Variants in PTPRD observed in about 807,000 individuals in gnomAD.
PTPRD encodes protein tyrosine phosphatase receptor type D.
PTPRD carries 34 observed loss-of-function variants against 214.5 expected under a neutral mutation model. That is an observed-to-expected ratio of 0.16 (90% CI 0.12 to 0.21). The LOEUF (loss-of-function observed/expected upper bound fraction) is 0.21. Among genes scored for constraint, PTPRD ranks in the 10% least tolerant of loss-of-function variants. PTPRD has a pLI of 1.00. For missense variants in PTPRD, 2,545 were observed against 2,398.7 expected (o/e 1.06, Z -1.27); for synonymous variants, 1,128 against 845.7 (o/e 1.33, Z -5.79).
At chr9:9,388,151 C>T (rs936882329) in intron 9 of PTPRD, among the ~76,000 whole-genome samples, 7 of 152,136 alleles carry the variant, frequency 4.6e-5, no homozygotes, top group South Asian at 2.1e-4. Flanking sequence ...CATGACCAGC[C>T]GCTTGTGTCT....
chr9:10,412,658 ACACACACC>A (rs1056783845), intron 2 of PTPRD, among the ~76,000 whole-genome samples: 16 of 148,964 alleles, frequency 1.1e-4, no homozygotes, highest in African/African-American at 4.0e-4. Flanking sequence ...ACACACACAC[ACACACACC>A]CCTTGAAGCC....
chr9:10,166,346 C>T (rs2099159097), intron 3 of PTPRD, among the ~76,000 whole-genome samples: 1 of 150,554 alleles, frequency 6.6e-6, no homozygotes, highest in South Asian at 2.1e-4. Flanking sequence ...CTGAACAAAG[C>T]ACTTGCTTTT....
intron 5 of PTPRD, among the ~76,000 whole-genome samples, chr9:9,844,229 G>A (rs2058969865): frequency 6.6e-6 from 1 of 151,764 alleles, no homozygotes; most frequent in African/African-American, 2.4e-5. Context: ...CAAGTTTAAT[G>A]TGATTTTTAT....
chr9:8,784,742 G>A (rs1368801077), intron 11 of PTPRD, among the ~76,000 whole-genome samples: 1 of 152,078 alleles, frequency 6.6e-6, no homozygotes, highest in Admixed American at 6.5e-5. Flanking sequence ...ATCCACATTA[G>A]TTAACATCCC....
intron 2 of PTPRD, among the ~76,000 whole-genome samples, chr9:10,601,517 C>T (rs751422248): frequency 1.1e-4 from 16 of 151,668 alleles, no homozygotes; most frequent in Non-Finnish European, 2.2e-4. Context: ...TCCAATATAT[C>T]TTGTACTATA....
At chr9:8,871,701 C>T (rs1028267624) in intron 11 of PTPRD, among the ~76,000 whole-genome samples, 3 of 152,100 alleles carry the variant, frequency 2.0e-5, no homozygotes, top group African/African-American at 7.2e-5. Flanking sequence ...AGAGTGAAAA[C>T]TTTACCAATG....
chr9:8,934,816 T>C (rs113234080), intron 11 of PTPRD, among the ~76,000 whole-genome samples: 53 of 151,884 alleles, frequency 3.5e-4, no homozygotes, highest in African/African-American at 1.2e-3. Flanking sequence ...TCTCTGCATC[T>C]GTATGTTCAG....
chr9:9,543,710 A>AAAAAC (rs1475039368), intron 8 of PTPRD, among the ~76,000 whole-genome samples: 2 of 151,646 alleles, frequency 1.3e-5, no homozygotes, highest in Non-Finnish European at 3.0e-5. Flanking sequence ...CAACAAAAAC[A>AAAAAC]AAAACAAATC....
chr9:9,357,116 G>C (rs1045751860), intron 9 of PTPRD, among the ~76,000 whole-genome samples: 1 of 151,174 alleles, frequency 6.6e-6, no homozygotes, highest in Non-Finnish European at 1.5e-5. Flanking sequence ...ATATACATTA[G>C]AGAGCTTTGG....
intron 11 of PTPRD, among the ~76,000 whole-genome samples, chr9:8,814,478 AC>A (rs1043428719): frequency 2.8e-4 from 42 of 152,236 alleles, no homozygotes; most frequent in African/African-American, 9.4e-4. Flanking sequence ...CAATAGGAAG[AC>A]CCCAGAAAGG....
chr9:9,649,126 T>C (rs1421635449), intron 7 of PTPRD, among the ~76,000 whole-genome samples: 1 of 152,160 alleles, frequency 6.6e-6, no homozygotes, highest in Non-Finnish European at 1.5e-5. Context: ...GGTCTGTGAC[T>C]AATGAGATAG....
intron 11 of PTPRD, among the ~76,000 whole-genome samples, chr9:8,859,021 A>T (rs1414692259): frequency 1.3e-5 from 2 of 152,210 alleles, no homozygotes; most frequent in Non-Finnish European, 2.9e-5. Context: ...GTCGCGCCCT[A>T]TTGACAGCAG....
intron 14 of PTPRD, among the ~76,000 whole-genome samples, chr9:8,574,807 A>C (rs1049546566): frequency 1.8e-4 from 28 of 152,038 alleles, no homozygotes; most frequent in African/African-American, 6.3e-4. Flanking sequence ...TAAACAACTC[A>C]CTGCTGAACT....
intron 14 of PTPRD, among the ~76,000 whole-genome samples, chr9:8,567,141 T>C (rs943295767): frequency 1.1e-4 from 17 of 152,222 alleles, no homozygotes; most frequent in African/African-American, 4.1e-4. Context: ...TTCACATTGA[T>C]GCAATGAATA....
chr9:9,077,077 C>T (rs868445463), intron 10 of PTPRD, among the ~76,000 whole-genome samples: 43 of 151,732 alleles, frequency 2.8e-4, no homozygotes, highest in African/African-American at 8.9e-4. Flanking sequence ...TTTTCATATA[C>T]CTGTTTGCCA....
At chr9:10,274,550 C>T (rs1397089015) in intron 3 of PTPRD, among the ~76,000 whole-genome samples, 2 of 152,104 alleles carry the variant, frequency 1.3e-5, no homozygotes, top group African/African-American at 2.4e-5. Flanking sequence ...GGCCAAAATG[C>T]AGACAATTTT....
intron 11 of PTPRD, among the ~76,000 whole-genome samples, chr9:8,842,557 G>C (rs2097579369): frequency 6.6e-6 from 1 of 152,110 alleles, no homozygotes; most frequent in South Asian, 2.1e-4. Context: ...CTCTCACCTA[G>C]TGGTAGGGAG....
rs143340754 is a variant in PTPRD at position 10,392,920 on chromosome 9, T to C, written c.-599-51903A>G. Among the ~76,000 whole-genome samples, 455 of 151,876 alleles carry C rather than the reference T, an allele frequency of 3.0e-3. 4 individuals carry two copies. The highest frequency in any genetic ancestry group is 0.01 in the African/African-American group (435 of 41,498). ...GGAGTAGGCAGGTCTTGGTATAGAA[T>C]CCTGTGATTCATCACAGTGGGGTCT... is the stretch of plus-strand genomic sequence containing the variant. On this transcript the variant is annotated intron_variant, in intron 2 of 45. Transcript: ENST00000381196.
chr9:10,503,318 T>A (rs1396967734), intron 2 of PTPRD, among the ~76,000 whole-genome samples: 3 of 151,596 alleles, frequency 2.0e-5, no homozygotes, highest in Non-Finnish European at 4.4e-5. Flanking sequence ...AAGCCATGTA[T>A]ATAGCAAAAG....
Sources: gnomAD v4.1 joint callset for allele counts (sites outside exome capture counted in the v4.1 genomes callset) on GRCh38, gnomAD v4.1.1 for gene constraint, MANE v1.5 for transcripts, NCBI Gene and HGNC (gene_info 2026-07-23, HGNC 2026-07-21) for gene names.